CDH13: variants seen among roughly 807,000 people sequenced by gnomAD.
CDH13 encodes cadherin 13, also known as cadherin-13.
A neutral mutation model predicts 63.8 loss-of-function variants in CDH13; 24 were observed. The observed-to-expected ratio is 0.38, with a 90% CI of 0.27 to 0.53. The LOEUF (loss-of-function observed/expected upper bound fraction) is 0.53, where lower values mean the gene tolerates loss of function less well. Ranked by LOEUF, CDH13 falls within the 20% of genes least tolerant of loss-of-function variation. CDH13 has a pLI of 0.85. For missense variants in CDH13, 1,049 were observed against 903.1 expected (o/e 1.16, Z -2.07); for synonymous variants, 503 against 355.3 (o/e 1.42, Z -4.67).
chr16:83,328,767 T>G (rs1567595380), intron 5 of CDH13, among the ~76,000 whole-genome samples: 1 of 152,102 alleles, frequency 6.6e-6, no homozygotes, highest in African/African-American at 2.4e-5. Context: ...ACTCAGGCAT[T>G]GTACCAACAT....
At chr16:83,580,309 A>T (rs1270009999) in intron 7 of CDH13, among the ~76,000 whole-genome samples, 2 of 152,124 alleles carry the variant, frequency 1.3e-5, no homozygotes, top group African/African-American at 4.8e-5. Flanking sequence ...GGTAGTGAGA[A>T]TAGAAAGAAG....
chr16:82,706,580 G>A (rs1235042510), intron 1 of CDH13, among the ~76,000 whole-genome samples: 1 of 151,694 alleles, frequency 6.6e-6, no homozygotes, highest in Non-Finnish European at 1.5e-5. Context: ...GATCACCTGA[G>A]GGTCAGGAGT....
chr16:83,675,300 C>T (rs902272930), intron 9 of CDH13, among the ~76,000 whole-genome samples: 1 of 152,192 alleles, frequency 6.6e-6, no homozygotes, highest in Non-Finnish European at 1.5e-5. Context: ...GGGCATCATA[C>T]AGCTGGAGTT....
At chr16:82,647,677 T>C (rs564435862) in intron 1 of CDH13, among the ~76,000 whole-genome samples, 48 of 152,336 alleles carry the variant, frequency 3.2e-4, no homozygotes, top group African/African-American at 1.1e-3. Context: ...TTGAGACTAC[T>C]GGACTACTCC....
intron 2 of CDH13, among the ~76,000 whole-genome samples, chr16:83,029,503 G>C (rs534524586): frequency 6.6e-6 from 1 of 152,262 alleles, no homozygotes; most frequent in South Asian, 2.1e-4. Context: ...ATAGTAACCT[G>C]GATACTATAC....
intron 6 of CDH13, among the ~76,000 whole-genome samples, chr16:83,355,831 G>C (rs2091041522): frequency 1.3e-5 from 2 of 152,160 alleles, no homozygotes; most frequent in Admixed American, 1.3e-4. Context: ...TTAAGGGAGG[G>C]AGATGATGCC....
intron 2 of CDH13, among the ~76,000 whole-genome samples, chr16:83,019,119 C>T (rs1915095228): frequency 6.6e-6 from 1 of 152,168 alleles, no homozygotes; most frequent in Non-Finnish European, 1.5e-5. Context: ...AACTTTTTTA[C>T]TTTATAAACT....
intron 5 of CDH13, among the ~76,000 whole-genome samples, chr16:83,327,294 C>T (rs1415994294): frequency 6.6e-6 from 1 of 152,222 alleles, no homozygotes; most frequent in African/African-American, 2.4e-5. Context: ...ACAATAACTT[C>T]ACTGAGCTTG....
intron 6 of CDH13, among the ~76,000 whole-genome samples, chr16:83,395,368 A>G (rs8051624): frequency 0.1 from 15,213 of 152,022 alleles, 791 homozygotes; most frequent in East Asian, 0.21. Flanking sequence ...GTGATCATCA[A>G]TTAGACATCC....
At chr16:83,123,026 G>A (rs140227679) in intron 3 of CDH13, among the ~76,000 whole-genome samples, 13 of 152,082 alleles carry the variant, frequency 8.5e-5, no homozygotes, top group African/African-American at 2.4e-4. Context: ...GAAAATATGC[G>A]GCATTTTTCT....
At chr16:82,805,796 T>C (rs941737406) in intron 1 of CDH13, among the ~76,000 whole-genome samples, 4 of 152,164 alleles carry the variant, frequency 2.6e-5, no homozygotes. Flanking sequence ...GTTGTGGGTG[T>C]GCTATACCAT....
Position 83,217,489 on chromosome 16 carries a change from G to A in CDH13, c.628G>A (p.Val210Ile). ...TRTLDREVIA[V>I]YQLFVETTDV... Reference sequence around the variant, plus strand: ...GACCTTGGACAGAGAAGTAATCGCTGTTTATCAAGTGAGTACCCCTCTCCC... The same window carrying A: ...GACCTTGGACAGAGAAGTAATCGCTATTTATCAAGTGAGTACCCCTCTCCC... The change falls in exon 5 of 14, where the codon GTT becomes ATT. Residue 210 changes from valine (V) to isoleucine (I), a missense_variant. Transcript: ENST00000567109. 6.2e-7 allele frequency: 1 copy of A among 1,613,478 alleles called. No homozygotes were observed. Among genetic ancestry groups the A allele is most frequent in the Non-Finnish European group, 8.5e-7 (1 of 1,179,578 alleles).
At chr16:83,267,456 G>T (rs1182595327) in intron 5 of CDH13, among the ~76,000 whole-genome samples, 4 of 152,122 alleles carry the variant, frequency 2.6e-5, no homozygotes, top group East Asian at 1.9e-4. Context: ...TGTGTGCGAT[G>T]ATTTAAATGC....
At chr16:82,716,247 G>C (rs2032363925) in intron 1 of CDH13, among the ~76,000 whole-genome samples, 1 of 152,078 alleles carries the variant, frequency 6.6e-6, no homozygotes, top group African/African-American at 2.4e-5. Flanking sequence ...GGATTTTCGG[G>C]ACCTTGGAGG....
Position 83,697,798 on chromosome 16 carries a change from C to T in CDH13, c.1538+19337C>T, listed in dbSNP as rs540535117. ...GAGTAGCTGGGATTACAGGCATGCGCCACCATGCCTGGCTAATTTTGTGTT... is the reference window on the plus strand; with the variant it reads ...GAGTAGCTGGGATTACAGGCATGCGTCACCATGCCTGGCTAATTTTGTGTT... On this transcript the variant is annotated intron_variant, in intron 10 of 13. Transcript: ENST00000567109. 1.5e-4 allele frequency among the ~76,000 whole-genome samples: 23 copies of T among 152,320 alleles called. No homozygotes were observed. The South Asian group carries it at 4.4e-3, about 29-fold the overall frequency.
At chr16:82,833,147 A>G (rs2038618486) in intron 1 of CDH13, among the ~76,000 whole-genome samples, 1 of 152,226 alleles carries the variant, frequency 6.6e-6, no homozygotes, top group South Asian at 2.1e-4. Flanking sequence ...CCCGTCTCCC[A>G]AGAGCCTTGT....
chr16:83,578,377 G>C (rs1905237577), intron 7 of CDH13, among the ~76,000 whole-genome samples: 1 of 152,194 alleles, frequency 6.6e-6, no homozygotes, highest in Non-Finnish European at 1.5e-5. Context: ...CTGTAGCTCT[G>C]TTAAAGGAGA....
At chr16:83,560,822 G>A (rs1192521401) in intron 7 of CDH13, among the ~76,000 whole-genome samples, 1 of 151,928 alleles carries the variant, frequency 6.6e-6, no homozygotes, top group Non-Finnish European at 1.5e-5. Flanking sequence ...ATATGAGTTG[G>A]TTCCCCTTTG....
chr16:83,581,603 A>G (rs1364424336), intron 7 of CDH13, among the ~76,000 whole-genome samples: 1 of 152,118 alleles, frequency 6.6e-6, no homozygotes, highest in Non-Finnish European at 1.5e-5. Context: ...GGGTTGTTTG[A>G]GTCCACGAGT....
Sources: allele counts gnomAD v4.1 joint callset (sites outside exome capture counted in the v4.1 genomes callset), GRCh38; gene constraint gnomAD v4.1.1; transcripts MANE v1.5; gene names NCBI Gene and HGNC (gene_info 2026-07-23, HGNC 2026-07-21).